Variants in C12orf56 observed in about 807,000 individuals in gnomAD.
C12orf56 encodes the protein uncharacterized protein C12orf56.
Under a neutral mutation model 69.9 loss-of-function variants are expected in C12orf56, and 71 were observed. The observed-to-expected ratio is 1.02, with a 90% CI of 0.84 to 1.24. The LOEUF is 1.24. C12orf56 is among the 50% of genes most tolerant of loss of function. The probability of loss-of-function intolerance (pLI) is 0.00; values close to 1 mark genes in which losing one functional copy is unlikely to be tolerated. For missense variants in C12orf56, 732 were observed against 738.5 expected (o/e 0.99, Z 0.10); for synonymous variants, 276 against 274.1 (o/e 1.01, Z -0.07).
chr12:64,293,591 C>T (rs1183872713), intron 6 of C12orf56, among the ~76,000 whole-genome samples: 1 of 152,176 alleles, frequency 6.6e-6, no homozygotes, highest in East Asian at 1.9e-4. Context: ...TTCAACAGTG[C>T]TTAGCACATA....
At chr12:64,360,209 G>C (rs2135959749) in intron 1 of C12orf56, among the ~76,000 whole-genome samples, 1 of 152,086 alleles carries the variant, frequency 6.6e-6, no homozygotes, top group African/African-American at 2.4e-5. Context: ...GCGATTGCAT[G>C]AGGCCAGGAG....
chr12:64,388,765 G>A (rs2039827074), intron 1 of C12orf56, among the ~76,000 whole-genome samples: 1 of 152,182 alleles, frequency 6.6e-6, no homozygotes, highest in South Asian at 2.1e-4. Context: ...GCTGATGTGG[G>A]AGGATCGCTT....
In C12orf56 at chr12:64,299,410, G is replaced by A. The variant is rs749550282; in HGVS notation, c.1113+4225C>T. ...CTTTGGCCTTTCATTTTTGATAACTGAATTAGAAGATTTGTTTTAGCCCAG... is the reference window on the plus strand; with the variant it reads ...CTTTGGCCTTTCATTTTTGATAACTAAATTAGAAGATTTGTTTTAGCCCAG... On this transcript the variant is annotated intron_variant, in intron 6 of 12. Transcript: ENST00000543942. Among the ~76,000 whole-genome samples, 3 of 151,998 alleles carry A rather than the reference G, an allele frequency of 2.0e-5. No individual in the cohort carries two copies. The East Asian group carries it at 5.8e-4, about 29-fold the overall frequency.
chr12:64,367,576 G>T (rs1411145458), intron 1 of C12orf56, among the ~76,000 whole-genome samples: 4 of 150,724 alleles, frequency 2.7e-5, no homozygotes, highest in African/African-American at 9.7e-5. Context: ...CATGATCTTG[G>T]CTCACTGCAA....
intron 1 of C12orf56, among the ~76,000 whole-genome samples, chr12:64,374,828 G>A (rs941141516): frequency 2.6e-5 from 4 of 152,144 alleles, no homozygotes; most frequent in Admixed American, 2.0e-4. Flanking sequence ...ACAGGTGTGA[G>A]CCACCATCCC....
At chr12:64,303,507 A>G (rs935269401) in intron 6 of C12orf56, 128 bp downstream of exon 6, 2 of 817,432 alleles carry the variant, frequency 2.4e-6, no homozygotes, top group Non-Finnish European at 3.7e-6. Context: ...ACTACATTAA[A>G]TTTTATCAAC....
At chr12:64,311,995 C>T (rs1032395280) in intron 5 of C12orf56, among the ~76,000 whole-genome samples, 1 of 151,912 alleles carries the variant, frequency 6.6e-6, no homozygotes, top group Non-Finnish European at 1.5e-5. Flanking sequence ...ATAGTAAAGG[C>T]GCAATAAATA....
intron 5 of C12orf56, among the ~76,000 whole-genome samples, chr12:64,304,655 T>C (rs2038487962): frequency 6.6e-6 from 1 of 152,174 alleles, no homozygotes; most frequent in Non-Finnish European, 1.5e-5. Flanking sequence ...GGGTTAAATA[T>C]TGTTTCCCCC....
rs10671017 is a variant in C12orf56 at position 64,318,771 on chromosome 12, T to TTGC, written c.697_698insGCA (p.His233delinsArgAsn). 2.6e-6 allele frequency: 4 copies of TTGC among 1,536,944 alleles called. No homozygotes were observed. In the African/African-American group the frequency reaches 4.1e-5, roughly 16 times the overall value. On this transcript the variant is annotated protein_altering_variant, in exon 4 of 13. Coordinates refer to ENST00000543942, the MANE Select transcript of C12orf56 (RefSeq NM_001170633.2). ...GAAAGGAATTTCACTTATGGAGTTGTGATCTGGAAGTCCCTGGGGTTCTTT... is the reference window on the plus strand; with the variant it reads ...GAAAGGAATTTCACTTATGGAGTTGTTGCGATCTGGAAGTCCCTGGGGTTCTTT...
At chr12:64,368,415 G>A (rs751666795) in intron 1 of C12orf56, among the ~76,000 whole-genome samples, 41 of 151,946 alleles carry the variant, frequency 2.7e-4, no homozygotes, top group Non-Finnish European at 5.4e-4. Context: ...CTCATGAATC[G>A]TCCACCTATG....
chr12:64,351,680 T>C (rs1389626625), intron 2 of C12orf56, among the ~76,000 whole-genome samples: 1 of 152,078 alleles, frequency 6.6e-6, no homozygotes, highest in African/African-American at 2.4e-5. Flanking sequence ...TCCCTGAGAC[T>C]CAGGGATACT....
At chr12:64,278,366 C>T (rs74097982) in intron 8 of C12orf56, among the ~76,000 whole-genome samples, 2,884 of 152,032 alleles carry the variant, frequency 0.019, 92 homozygotes, top group African/African-American at 0.065. Context: ...TGATGTTGCC[C>T]GGGCTGGTCT....
intron 2 of C12orf56, among the ~76,000 whole-genome samples, chr12:64,344,932 CT>C (rs1410982393): frequency 1.3e-5 from 2 of 151,990 alleles, no homozygotes; most frequent in Non-Finnish European, 2.9e-5. Context: ...CTATTAGAAC[CT>C]TTTTTAACTC....
At chr12:64,313,274 A>AAAAAAAGAAAGAAAG (rs762664621) in intron 4 of C12orf56, among the ~76,000 whole-genome samples, 4 of 81,426 alleles carry the variant, frequency 4.9e-5, no homozygotes, top group African/African-American at 1.9e-4. Flanking sequence ...AAAAAAAAAA[A>AAAAAAAGAAAGAAAG]AAAGAAAGAA....
Position 64,266,965 on chromosome 12 carries a change from A to G in C12orf56, c.*218T>C, listed in dbSNP as rs1392404916. 2.0e-5 allele frequency: 9 copies of G among 460,046 alleles called. No individual in the cohort carries two copies. Among genetic ancestry groups the G allele is most frequent in the African/African-American group, 1.0e-4 (5 of 48,824 alleles). The allele number at this position is 460,046 out of a possible 1,614,324, so 28.5% of individuals were successfully genotyped here. A position where few individuals can be genotyped will look rare whatever the true frequency, so the allele number is the denominator to read the frequency against. ...AGAAATGGCTCTTTTGCCCAATGGC[A>G]TAAAGATCTTTGCACACTTATAATA... On this transcript the variant is annotated 3_prime_UTR_variant, in exon 13 of 13. Coordinates refer to ENST00000543942, the MANE Select transcript of C12orf56 (RefSeq NM_001170633.2).
intron 1 of C12orf56, among the ~76,000 whole-genome samples, chr12:64,365,903 TTATG>T (rs1203095325): frequency 7.4e-6 from 1 of 134,600 alleles, no homozygotes; most frequent in African/African-American, 2.8e-5. Context: ...ATATTATACA[TTATG>T]TATAGTGTAT....
intron 3 of C12orf56, among the ~76,000 whole-genome samples, chr12:64,319,579 T>C (rs1262665415): frequency 2.6e-5 from 4 of 152,214 alleles, no homozygotes; most frequent in African/African-American, 9.6e-5. Flanking sequence ...TATTTTTTTG[T>C]AGTGATGGTG....
At chr12:64,328,341 C>T (rs1372674180) in intron 3 of C12orf56, among the ~76,000 whole-genome samples, 3 of 152,048 alleles carry the variant, frequency 2.0e-5, no homozygotes, top group Non-Finnish European at 4.4e-5. Flanking sequence ...CAGAATCCTA[C>T]ACTCCCCTCT....
chr12:64,317,755 C>T (rs1289197128), intron 4 of C12orf56, among the ~76,000 whole-genome samples: 1 of 151,478 alleles, frequency 6.6e-6, no homozygotes, highest in Non-Finnish European at 1.5e-5. Context: ...AGCGAAACTC[C>T]ATCTCAAAAG....
Sources: allele counts gnomAD v4.1 joint callset (sites outside exome capture counted in the v4.1 genomes callset), GRCh38; gene constraint gnomAD v4.1.1; transcripts MANE v1.5; gene names NCBI Gene and HGNC (gene_info 2026-07-23, HGNC 2026-07-21).